Variants in ANKRD55 observed in about 807,000 individuals in gnomAD.
The protein encoded by ANKRD55 is ankyrin repeat domain-containing protein 55.
ANKRD55 carries 41 observed loss-of-function variants against 60.6 expected under a neutral mutation model. That is an observed-to-expected ratio of 0.68 (90% CI 0.53 to 0.88). The LOEUF is 0.88. ANKRD55 is among the 40% of genes least tolerant of loss of function. The pLI is 0.00. For synonymous variants in ANKRD55, 264 were observed against 290.3 expected, an observed-to-expected ratio of 0.91 and a Z score of 0.92; for missense variants, 732 against 767.6, an observed-to-expected ratio of 0.95 and a Z score of 0.55.
intron 2 of ANKRD55, among the ~76,000 whole-genome samples, chr5:56,206,573 T>C (rs1020496959): frequency 2.6e-5 from 4 of 152,092 alleles, no homozygotes; most frequent in Admixed American, 2.6e-4. Context: ...GTGTTAGTGG[T>C]AGGTGAGCTC....
intron 2 of ANKRD55, among the ~76,000 whole-genome samples, chr5:56,223,251 C>T (rs1405344584): frequency 6.6e-6 from 1 of 152,082 alleles, no homozygotes; most frequent in Non-Finnish European, 1.5e-5. Flanking sequence ...TCCAGCCAAA[C>T]TAAGCTTCAT....
chr5:56,150,696 G>A (rs997559200), intron 6 of ANKRD55, among the ~76,000 whole-genome samples: 1 of 152,004 alleles, frequency 6.6e-6, no homozygotes, highest in Middle Eastern at 3.2e-3. Flanking sequence ...TCAGGAGTTC[G>A]AGACCAGCCT....
intron 10 of ANKRD55, chr5:56,110,726 G>A: frequency 4.8e-6 from 1 of 206,860 alleles, no homozygotes; most frequent in Non-Finnish European, 9.8e-6. Flanking sequence ...TTTTGGTTCA[G>A]TAGGTCTGGG....
intron 2 of ANKRD55, among the ~76,000 whole-genome samples, chr5:56,219,654 C>A (rs2111886918): frequency 6.6e-6 from 1 of 152,222 alleles, no homozygotes; most frequent in South Asian, 2.1e-4. Flanking sequence ...ATTAAATGAC[C>A]AACAGAGATT....
In ANKRD55 at chr5:56,143,891, C is replaced by A. The variant is rs202182721; in HGVS notation, c.522G>T (p.Gln174His). 5.4e-5 allele frequency: 87 copies of A among 1,614,012 alleles called. No individual in the cohort carries two copies. The highest frequency in any genetic ancestry group is 7.0e-5 in the Non-Finnish European group (83 of 1,180,026). ...TCAGCAGCATTTGTGTGTGTTGAGG[C>A]TGGTTGTGGAAAGCCGCCCAGTGGA... ...TPLHWAAFHNQPQHTQMLLKK... is the reference protein window; with the variant it reads ...TPLHWAAFHNHPQHTQMLLKK... Residue 174 changes from glutamine to histidine, a missense_variant, in exon 7 of 12, where the codon CAG (glutamine) becomes CAT (histidine). Coordinates refer to ENST00000341048, the MANE Select transcript of ANKRD55 (RefSeq NM_024669.3).
At chr5:56,219,047 C>T (rs186917968) in intron 2 of ANKRD55, among the ~76,000 whole-genome samples, 21 of 151,846 alleles carry the variant, frequency 1.4e-4, no homozygotes, top group Middle Eastern at 3.4e-3. Flanking sequence ...CCGAGGCGGG[C>T]GGATCACTTG....
chr5:56,201,832 A>C (rs964394581), intron 2 of ANKRD55, among the ~76,000 whole-genome samples: 1 of 152,246 alleles, frequency 6.6e-6, no homozygotes, highest in Non-Finnish European at 1.5e-5. Context: ...TATTATAAAG[A>C]TACTTGCATG....
At chr5:56,210,577 A>AG (rs1315812697) in intron 2 of ANKRD55, among the ~76,000 whole-genome samples, 3 of 151,442 alleles carry the variant, frequency 2.0e-5, no homozygotes, top group Non-Finnish European at 4.4e-5. Flanking sequence ...AAAAAAAAAA[A>AG]AAAAAAAAGA....
intron 4 of ANKRD55, among the ~76,000 whole-genome samples, chr5:56,175,367 T>C (rs1758715342): frequency 6.6e-6 from 1 of 152,136 alleles, no homozygotes; most frequent in South Asian, 2.1e-4. Context: ...ATGGTGGTCA[T>C]AGTGAAGATT....
At chr5:56,157,076 T>A (rs1174721054) in intron 6 of ANKRD55, 1 of 153,226 alleles carries the variant, frequency 6.5e-6, no homozygotes, top group East Asian at 1.9e-4. Context: ...CATTTTGTTC[T>A]GTACTAAGAA....
intron 7 of ANKRD55, chr5:56,127,460 G>T (rs1757302060): frequency 1.0e-6 from 1 of 985,128 alleles, no homozygotes; most frequent in Non-Finnish European, 1.2e-6. Flanking sequence ...CATTAGGTCT[G>T]ATCATTTGTG....
chr5:56,176,440 A>G (rs1009819830), intron 3 of ANKRD55, among the ~76,000 whole-genome samples, 158 bp from the exon 4 acceptor site: 1 of 152,218 alleles, frequency 6.6e-6, no homozygotes, highest in South Asian at 2.1e-4. Context: ...CTACATCTCT[A>G]TAAACTATGT....
chr5:56,112,511 A>AAAAAAAACACAAAAAAAAAAAAAC (rs1554036588), intron 9 of ANKRD55, among the ~76,000 whole-genome samples: 2 of 81,528 alleles, frequency 2.5e-5, no homozygotes, highest in African/African-American at 1.1e-4. Context: ...TAGCAAAAAA[A>AAAAAAAACACAAAAAAAAAAAAAC]AAAAAAAAAA....
At chr5:56,180,556 A>C (rs746866574) in intron 3 of ANKRD55, among the ~76,000 whole-genome samples, 13 of 152,232 alleles carry the variant, frequency 8.5e-5, no homozygotes, top group African/African-American at 1.2e-4. Context: ...CTGCATGTTT[A>C]CTATGTTGAG....
At position 56,165,172 on chromosome 5, in the gene ANKRD55, T is replaced by A. The variant is rs142418677; in HGVS notation, c.423-5279A>T. 2.0e-4 allele frequency among the ~76,000 whole-genome samples: 31 copies of A among 152,342 alleles called. No individual in the cohort carries two copies. In the East Asian group the frequency reaches 6.0e-3, roughly 29 times the overall value. ...AAAACCTGAGCACAAGGGCACTATG[T>A]GGCCTGTACATACTGTTTATGATTA... is the stretch of plus-strand genomic sequence containing the variant. On this transcript the variant is annotated intron_variant, in intron 5 of 11. Coordinates refer to ENST00000341048, the MANE Select transcript of ANKRD55 (RefSeq NM_024669.3).
At chr5:56,115,453 G>T (rs1312108717) in intron 9 of ANKRD55, among the ~76,000 whole-genome samples, 1 of 151,664 alleles carries the variant, frequency 6.6e-6, no homozygotes, top group Non-Finnish European at 1.5e-5. Context: ...CCAGTAGCTG[G>T]GGTTACAGGC....
chr5:56,140,395 T>TTTTGTGGGTAGTCACTGTTC (rs1757730661), intron 7 of ANKRD55, among the ~76,000 whole-genome samples: 1 of 152,210 alleles, frequency 6.6e-6, no homozygotes, highest in South Asian at 2.1e-4. Context: ...GTTCTTAGCC[T>TTTTGTGGGTAGTCACTGTTC]TTTGTGGGTA....
At chr5:56,192,798 A>G (rs574159603) in intron 2 of ANKRD55, 43 of 899,990 alleles carry the variant, frequency 4.8e-5, no homozygotes, top group East Asian at 2.9e-4. Context: ...GAAAACCTCT[A>G]TTAGCAAGTT....
intron 8 of ANKRD55, among the ~76,000 whole-genome samples, chr5:56,119,215 C>T (rs1394237180): frequency 6.6e-6 from 1 of 152,164 alleles, no homozygotes; most frequent in Non-Finnish European, 1.5e-5. Context: ...TCATCCTATT[C>T]CAGTAGTACT....
Sources: gnomAD v4.1 joint callset for allele counts (sites outside exome capture counted in the v4.1 genomes callset) on GRCh38, gnomAD v4.1.1 for gene constraint, MANE v1.5 for transcripts, NCBI Gene and HGNC (gene_info 2026-07-23, HGNC 2026-07-21) for gene names.